Variants in CDH12 observed in about 807,000 individuals in gnomAD.
CDH12 encodes the protein cadherin 12, also known as cadherin-12.
Under a neutral mutation model 74.1 loss-of-function variants are expected in CDH12, and 41 were observed. The ratio of observed to expected loss-of-function variants is 0.55; its 90% CI spans 0.43 to 0.72. The LOEUF is 0.72. Among genes scored for constraint, CDH12 ranks in the 30% least tolerant of loss-of-function variants. The probability of loss-of-function intolerance (pLI) is 0.00; values close to 1 mark genes in which losing one functional copy is unlikely to be tolerated. For missense variants in CDH12, 945 were observed against 977.2 expected (o/e 0.97, Z 0.44); for synonymous variants, 399 against 355.0 (o/e 1.12, Z -1.39).
At chr5:22,429,789 C>T (rs1199510666) in intron 2 of CDH12, among the ~76,000 whole-genome samples, 1 of 152,186 alleles carries the variant, frequency 6.6e-6, no homozygotes, top group Non-Finnish European at 1.5e-5. Context: ...CTACACAAAG[C>T]TCTCCTGACA....
chr5:22,562,339 C>A (rs1310707206), intron 1 of CDH12, among the ~76,000 whole-genome samples: 1 of 151,264 alleles, frequency 6.6e-6, no homozygotes, highest in East Asian at 2.0e-4. Context: ...AAAAAACAAA[C>A]AAACAAAAAA....
intron 2 of CDH12, among the ~76,000 whole-genome samples, chr5:22,464,693 T>A (rs534493423): frequency 6.6e-6 from 1 of 152,122 alleles, no homozygotes; most frequent in South Asian, 2.1e-4. Flanking sequence ...CTTCCAAAAT[T>A]TAGTGGAGAT....
At chr5:22,275,563 T>C (rs1056908412) in intron 3 of CDH12, among the ~76,000 whole-genome samples, 1 of 152,162 alleles carries the variant, frequency 6.6e-6, no homozygotes, top group African/African-American at 2.4e-5. Context: ...TTGGGGTCTA[T>C]ATTAGAAGAC....
chr5:22,557,555 C>A (rs1266236911), intron 1 of CDH12, among the ~76,000 whole-genome samples: 1 of 151,972 alleles, frequency 6.6e-6, no homozygotes, highest in Non-Finnish European at 1.5e-5. Flanking sequence ...AGGAAGAATA[C>A]GAACGTAATA....
chr5:21,974,134 TC>T (rs1269503411), intron 6 of CDH12, among the ~76,000 whole-genome samples: 1 of 152,182 alleles, frequency 6.6e-6, no homozygotes, highest in East Asian at 1.9e-4. Context: ...ACAATCTTCA[TC>T]ACAAGTCCTG....
At chr5:22,566,813 T>A (rs1335902450) in intron 1 of CDH12, among the ~76,000 whole-genome samples, 1 of 152,194 alleles carries the variant, frequency 6.6e-6, no homozygotes, top group Non-Finnish European at 1.5e-5. Context: ...GATACTGTGA[T>A]CTCTATGTCT....
intron 1 of CDH12, among the ~76,000 whole-genome samples, chr5:22,764,460 C>CTAAA (rs1441308608): frequency 6.6e-6 from 1 of 151,790 alleles, no homozygotes; most frequent in Non-Finnish European, 1.5e-5. Context: ...AAACAAATAA[C>CTAAA]TAAATAAATA....
intron 1 of CDH12, among the ~76,000 whole-genome samples, chr5:22,650,386 G>C (rs1445853752): frequency 1.3e-5 from 2 of 151,964 alleles, no homozygotes; most frequent in African/African-American, 4.8e-5. Context: ...TGATTGCATT[G>C]TATAAACAAA....
At chr5:22,120,783 C>T (rs1434229440) in intron 4 of CDH12, among the ~76,000 whole-genome samples, 1 of 151,974 alleles carries the variant, frequency 6.6e-6, no homozygotes, top group Non-Finnish European at 1.5e-5. Context: ...AATCTGGAAT[C>T]CAGATGGAAG....
intron 1 of CDH12, among the ~76,000 whole-genome samples, chr5:22,506,647 G>T (rs1736397752): frequency 6.6e-6 from 1 of 151,934 alleles, no homozygotes; most frequent in Non-Finnish European, 1.5e-5. Context: ...TCAGAGAATG[G>T]TGAGAAACCA....
chr5:22,802,315 T>C (rs911681639), intron 1 of CDH12, among the ~76,000 whole-genome samples: 1 of 151,772 alleles, frequency 6.6e-6, no homozygotes, highest in Non-Finnish European at 1.5e-5. Context: ...AGAGATGGGG[T>C]TTCACCATGT....
rs576651917 is a variant in CDH12, at chr5:22,404,909, T to C, written c.-333+348A>G. 2.0e-5 allele frequency among the ~76,000 whole-genome samples: 3 copies of C among 152,318 alleles called. No homozygotes were observed. The South Asian group carries it at 6.2e-4, about 32-fold the overall frequency. On this transcript the variant is annotated intron_variant, in intron 3 of 14. Transcript: ENST00000382254. ...ATGACTCTTCATGGTTTTATATGTA[T>C]ATTCAAAACATAATAATCAACTGGG...
intron 3 of CDH12, among the ~76,000 whole-genome samples, chr5:22,311,204 T>C (rs1738374407): frequency 6.6e-6 from 1 of 152,146 alleles, no homozygotes; most frequent in Non-Finnish European, 1.5e-5. Context: ...AGAGCATAGA[T>C]TCAAGTTGCC....
chr5:22,763,650 T>A (rs1422892524), intron 1 of CDH12, among the ~76,000 whole-genome samples: 1 of 151,942 alleles, frequency 6.6e-6, no homozygotes, highest in African/African-American at 2.4e-5. Flanking sequence ...CCTATAAAAG[T>A]AAGAGTAGAA....
At chr5:22,356,733 A>C (rs150732253) in intron 3 of CDH12, among the ~76,000 whole-genome samples, 40 of 152,234 alleles carry the variant, frequency 2.6e-4, no homozygotes, top group Middle Eastern at 3.4e-3. Flanking sequence ...TATCTTCAAT[A>C]CCAATTTCAA....
intron 4 of CDH12, among the ~76,000 whole-genome samples, chr5:22,136,020 G>A (rs1401126001): frequency 6.6e-6 from 1 of 151,896 alleles, no homozygotes. Flanking sequence ...AAACACTTTG[G>A]AATTGAAGAA....
intron 5 of CDH12, among the ~76,000 whole-genome samples, chr5:22,055,915 T>A (rs1174932822): frequency 6.6e-6 from 1 of 152,160 alleles, no homozygotes; most frequent in African/African-American, 2.4e-5. Context: ...TTAGTGCATG[T>A]TTGCACATAT....
chr5:22,097,579 CT>C (rs1743864298), intron 4 of CDH12, among the ~76,000 whole-genome samples: 1 of 152,092 alleles, frequency 6.6e-6, no homozygotes, highest in Non-Finnish European at 1.5e-5. Flanking sequence ...TTATCCCCAC[CT>C]GCCCAGTTCC....
intron 2 of CDH12, among the ~76,000 whole-genome samples, chr5:22,453,718 A>C (rs2126568068): frequency 6.6e-6 from 1 of 152,324 alleles, no homozygotes; most frequent in South Asian, 2.1e-4. Context: ...CAAAATAGCA[A>C]GAAGAGTGGA....
Sources: allele counts gnomAD v4.1 joint callset (sites outside exome capture counted in the v4.1 genomes callset), GRCh38; gene constraint gnomAD v4.1.1; transcripts MANE v1.5; gene names NCBI Gene and HGNC (gene_info 2026-07-23, HGNC 2026-07-21).